Variants in DNAH11 observed in about 807,000 individuals in gnomAD.
DNAH11 encodes the protein axonemal beta dynein heavy chain 11.
In DNAH11, 442 loss-of-function variants were observed where a neutral mutation model predicts 526.0. The observed-to-expected ratio is 0.84, with a 90% CI of 0.78 to 0.91. The LOEUF is 0.91. DNAH11 is among the 40% of genes least tolerant of loss of function. DNAH11 has a pLI of 0.00. For synonymous variants in DNAH11, 2,461 were observed against 1,935.9 expected, an observed-to-expected ratio of 1.27 and a Z score of -7.12; for missense variants, 6,989 against 5,448.7, an observed-to-expected ratio of 1.28 and a Z score of -8.90.
Position 21,901,344 on chromosome 7 carries a change from C to G in DNAH11, c.*90C>G, listed in dbSNP as rs564335138. On this transcript the variant is annotated 3_prime_UTR_variant, in exon 82 of 82. Coordinates refer to ENST00000409508, the MANE Select transcript of DNAH11 (RefSeq NM_001277115.2). ...ACTGTTCCCATGCACATTATTCTAACTTTTTAGTAACTCACACGTGCATTC... is the reference window on the plus strand; with the variant it reads ...ACTGTTCCCATGCACATTATTCTAAGTTTTTAGTAACTCACACGTGCATTC... 1 of 1,384,734 alleles carries G rather than the reference C, an allele frequency of 7.2e-7. No individual in the cohort carries two copies. The highest frequency in any genetic ancestry group is 2.1e-5 in the South Asian group (1 of 47,684). 85.8% of individuals were successfully genotyped at this position (1,384,734 alleles called of 1,614,324 possible). A position where few individuals can be genotyped will look rare whatever the true frequency, so the allele number is the denominator to read the frequency against.
At chr7:21,598,165 T>A (rs1181864008) in intron 14 of DNAH11, among the ~76,000 whole-genome samples, 1 of 152,220 alleles carries the variant, frequency 6.6e-6, no homozygotes, top group East Asian at 1.9e-4. Context: ...GAGAGTATAG[T>A]CCACCTTACA....
chr7:21,555,796 A>G (rs1431415899), intron 2 of DNAH11, among the ~76,000 whole-genome samples: 1 of 152,178 alleles, frequency 6.6e-6, no homozygotes, highest in Non-Finnish European at 1.5e-5. Flanking sequence ...ACGCCTGGAT[A>G]GAGTGGGCCA....
chr7:21,719,755 A>C (rs148183488), intron 43 of DNAH11, among the ~76,000 whole-genome samples: 1 of 152,332 alleles, frequency 6.6e-6, no homozygotes, highest in East Asian at 1.9e-4. Context: ...CAAGGAAGGA[A>C]AGGCACACAC....
intron 55 of DNAH11, among the ~76,000 whole-genome samples, chr7:21,766,626 G>A (rs762183335): frequency 1.3e-4 from 20 of 151,488 alleles, no homozygotes; most frequent in Non-Finnish European, 2.5e-4. Flanking sequence ...CGGCCATATG[G>A]TTAAAAATCT....
intron 76 of DNAH11, among the ~76,000 whole-genome samples, chr7:21,887,823 G>GT (rs1395313523): frequency 6.6e-6 from 1 of 152,138 alleles, no homozygotes; most frequent in African/African-American, 2.4e-5. Flanking sequence ...ATCTGGAAGA[G>GT]TAAGTATTAT....
At chr7:21,758,698 A>G (rs1267129402) in intron 54 of DNAH11, among the ~76,000 whole-genome samples, 3 of 152,240 alleles carry the variant, frequency 2.0e-5, no homozygotes, top group Non-Finnish European at 2.9e-5. Context: ...TCTTTCCATT[A>G]TTTTATATTG....
intron 63 of DNAH11, 128 bp downstream of exon 63, chr7:21,808,177 A>C (rs1020111102): frequency 3.0e-6 from 2 of 658,900 alleles, no homozygotes; most frequent in African/African-American, 1.9e-5. Context: ...TCCATGGTGA[A>C]ATTGTTTCTC....
At chr7:21,604,329 C>A (rs1387761001) in intron 18 of DNAH11, among the ~76,000 whole-genome samples, 4 of 152,140 alleles carry the variant, frequency 2.6e-5, no homozygotes, top group Admixed American at 2.6e-4. Flanking sequence ...TTACTTCTCA[C>A]CTCACAGCAA....
At chr7:21,599,335 G>T (rs1784983863) in intron 14 of DNAH11, among the ~76,000 whole-genome samples, 1 of 152,182 alleles carries the variant, frequency 6.6e-6, no homozygotes, top group Non-Finnish European at 1.5e-5. Flanking sequence ...AGAGTACATA[G>T]TACTTCACTG....
chr7:21,826,091 A>C (rs756938659), intron 65 of DNAH11, among the ~76,000 whole-genome samples: 2 of 152,206 alleles, frequency 1.3e-5, no homozygotes, highest in East Asian at 3.9e-4. Context: ...TGATGGTTAC[A>C]TTGAAAGCAC....
rs899419671 is a variant in DNAH11, at chr7:21,815,653, C to T, written c.10333-814C>T. 2.0e-5 allele frequency among the ~76,000 whole-genome samples: 3 copies of T among 152,304 alleles called. No homozygotes were observed. In the South Asian group the frequency reaches 6.2e-4, roughly 32 times the overall value. ...CAAGCTAGGGGGCTAGCTAGGTTTT[C>T]ATCCTGCACATTTTGGTGTCTCTAG... On this transcript the variant is annotated intron_variant, in intron 63 of 81. Transcript: ENST00000409508.
chr7:21,833,787 C>T (rs1781883820), intron 65 of DNAH11, among the ~76,000 whole-genome samples: 2 of 152,236 alleles, frequency 1.3e-5, no homozygotes, highest in South Asian at 4.1e-4. Flanking sequence ...TGTAGAGATG[C>T]AAATGAGTAT....
At chr7:21,817,689 A>G (rs1789861020) in intron 64 of DNAH11, among the ~76,000 whole-genome samples, 1 of 151,880 alleles carries the variant, frequency 6.6e-6, no homozygotes, top group Admixed American at 6.6e-5. Flanking sequence ...TGAGACCACC[A>G]TCTCTATTTT....
chr7:21,873,253 A>G, intron 73 of DNAH11, 21 bp from the exon 74 acceptor site: 3 of 1,541,882 alleles, frequency 1.9e-6, no homozygotes, highest in African/African-American at 1.4e-5. Flanking sequence ...CACAGGAATT[A>G]TGCACCATGC....
chr7:21,707,568 C>T (rs1184662355), intron 39 of DNAH11, 131 bp from the exon 40 acceptor site: 4 of 1,154,880 alleles, frequency 3.5e-6, no homozygotes, highest in Non-Finnish European at 4.7e-6. Flanking sequence ...CATTTTTCCC[C>T]TTCTCGATCT....
intron 69 of DNAH11, among the ~76,000 whole-genome samples, chr7:21,863,352 GGAGTCT>G (rs1394600313): frequency 1.3e-5 from 2 of 152,140 alleles, no homozygotes; most frequent in African/African-American, 4.8e-5. Flanking sequence ...GTTTTGAGAC[GGAGTCT>G]CGCTGTGTCG....
At chr7:21,565,373 A>G (rs938888053) in intron 6 of DNAH11, among the ~76,000 whole-genome samples, 1 of 152,214 alleles carries the variant, frequency 6.6e-6, no homozygotes, top group Admixed American at 6.5e-5. Flanking sequence ...ATTGGGAGTT[A>G]GGCTTTCAAT....
intron 8 of DNAH11, among the ~76,000 whole-genome samples, chr7:21,573,901 G>A (rs1783986971): frequency 1.3e-5 from 2 of 152,128 alleles, no homozygotes; most frequent in African/African-American, 4.8e-5. Flanking sequence ...AATGATCACT[G>A]GTAATTTGCT....
At chr7:21,876,131 G>A (rs955638568) in intron 74 of DNAH11, among the ~76,000 whole-genome samples, 2 of 151,964 alleles carry the variant, frequency 1.3e-5, no homozygotes, top group Non-Finnish European at 1.5e-5. Context: ...TGATCTGCCC[G>A]CCTCGGCATC....
Sources: gnomAD v4.1 joint callset for allele counts (sites outside exome capture counted in the v4.1 genomes callset) on GRCh38, gnomAD v4.1.1 for gene constraint, MANE v1.5 for transcripts, NCBI Gene and HGNC (gene_info 2026-07-23, HGNC 2026-07-21) for gene names.